Variants in ALDH2 observed in about 807,000 individuals in gnomAD.
The protein encoded by ALDH2 is aldehyde dehydrogenase 2 family member.
Under a neutral mutation model 59.6 loss-of-function variants are expected in ALDH2, and 44 were observed. That is an observed-to-expected ratio of 0.74 (90% CI 0.58 to 0.95). The LOEUF (loss-of-function observed/expected upper bound fraction) is 0.95. Among genes scored for constraint, ALDH2 ranks in the 40% least tolerant of loss-of-function variants. The pLI, the probability that ALDH2 is intolerant of heterozygous loss-of-function variation, is 0.00. For synonymous variants in ALDH2, 291 were observed against 284.0 expected, an observed-to-expected ratio of 1.02 and a Z score of -0.25; for missense variants, 570 against 696.3, an observed-to-expected ratio of 0.82 and a Z score of 2.04.
At chr12:111,799,306 C>T (rs1440772355) in intron 10 of ALDH2, among the ~76,000 whole-genome samples, 4 of 151,884 alleles carry the variant, frequency 2.6e-5, no homozygotes, top group African/African-American at 9.7e-5. Context: ...GCTGGGATTA[C>T]AGGCGCACAC....
intron 12 of ALDH2, among the ~76,000 whole-genome samples, chr12:111,807,278 CAAAA>C (rs1350783874): frequency 6.6e-6 from 1 of 150,822 alleles, no homozygotes; most frequent in Admixed American, 6.6e-5. Context: ...CAAAACAAAA[CAAAA>C]CGGAAAAAAA....
chr12:111,767,291 C>G (rs894506907), intron 1 of ALDH2, among the ~76,000 whole-genome samples, 195 bp downstream of exon 1: 1 of 152,156 alleles, frequency 6.6e-6, no homozygotes, highest in African/African-American at 2.4e-5. Context: ...CTGACAGTCC[C>G]CGTCCCATTT....
chr12:111,801,141 A>C (rs1007974971), intron 11 of ALDH2, among the ~76,000 whole-genome samples: 1 of 152,206 alleles, frequency 6.6e-6, no homozygotes, highest in Non-Finnish European at 1.5e-5. Flanking sequence ...GGTGAAAAGC[A>C]TGTCTCACGT....
At position 111,789,897 on chromosome 12, in the gene ALDH2, G is replaced by T. The variant is rs762718195; in HGVS notation, c.515G>T (p.Arg172Leu). The T allele has an allele frequency of 1.2e-6, 2 of 1,614,026 alleles. No individual in the cohort carries two copies. Among genetic ancestry groups the T allele is most frequent in the Middle Eastern group, 1.6e-4 (1 of 6,084 alleles). Reference protein sequence around the residue: ...PIDGDFFSYTRHEPVGVCGQI... With the variant: ...PIDGDFFSYTLHEPVGVCGQI... ...GACGGAGACTTCTTCAGCTACACAC[G>T]CCATGAACCTGTGGGGGTGTGCGGG... is the stretch of plus-strand genomic sequence containing the variant. The change falls in exon 5 of 13, where the codon CGC (arginine) becomes CTC (leucine). Residue 172 changes from arginine (R) to leucine (L), a missense_variant. By Grantham distance (102) the Arg-to-Leu change is moderately radical. Coordinates refer to ENST00000261733, the MANE Select transcript of ALDH2 (RefSeq NM_000690.4).
chr12:111,769,332 C>T (rs1228609607), intron 1 of ALDH2, among the ~76,000 whole-genome samples: 3 of 152,012 alleles, frequency 2.0e-5, no homozygotes, highest in African/African-American at 2.4e-5. Context: ...GTGGGAAGAT[C>T]GCTTGAGATT....
chr12:111,779,652 G>A (rs1055323160), intron 1 of ALDH2, among the ~76,000 whole-genome samples: 1 of 152,228 alleles, frequency 6.6e-6, no homozygotes, highest in African/African-American at 2.4e-5. Context: ...GCCAGGACAT[G>A]CAGGGATGCT....
At chr12:111,781,498 G>T (rs931461216) in intron 1 of ALDH2, among the ~76,000 whole-genome samples, 6 of 152,194 alleles carry the variant, frequency 3.9e-5, no homozygotes, top group Admixed American at 1.3e-4. Context: ...TGCACATCCA[G>T]CCTCAGAGGT....
At chr12:111,794,087 C>T (rs1487437129) in intron 9 of ALDH2, among the ~76,000 whole-genome samples, 3 of 143,666 alleles carry the variant, frequency 2.1e-5, no homozygotes, top group African/African-American at 2.6e-5. Flanking sequence ...GGCGTGATCT[C>T]GGCTCACTGC....
At chr12:111,789,749 C>A in intron 4 of ALDH2, 74 bp from the exon 5 acceptor site, 1 of 1,287,968 alleles carries the variant, frequency 7.8e-7, no homozygotes, top group Non-Finnish European at 1.1e-6. Context: ...CAGTTTGAGT[C>A]TTCTCTTTCT....
chr12:111,778,526 C>T (rs1241537263), intron 1 of ALDH2, among the ~76,000 whole-genome samples: 1 of 147,212 alleles, frequency 6.8e-6, no homozygotes, highest in Non-Finnish European at 1.5e-5. Context: ...GCCTGGGGAA[C>T]AAGAGCCAGA....
chr12:111,788,823 G>A (rs2068332147), intron 4 of ALDH2, among the ~76,000 whole-genome samples: 1 of 151,890 alleles, frequency 6.6e-6, no homozygotes, highest in South Asian at 2.1e-4. Context: ...GCAATATAGG[G>A]AGACCCACAT....
rs1192813292 is a variant in ALDH2 at position 111,816,607 on chromosome 12, T to C, written c.*7032T>C. ...ATTCAGCTCTCTACATTTCCCCCTT[T>C]CTGTTTATGAATTAATTGAAAGAAT... On this transcript the variant is annotated 3_prime_UTR_variant, in exon 13 of 13. Transcript: ENST00000261733. 6.6e-6 allele frequency: 1 copy of C among 152,200 alleles called. No individual in the cohort carries two copies. Among genetic ancestry groups the C allele is most frequent in the Non-Finnish European group, 1.5e-5 (1 of 68,038 alleles). 9.4% of individuals were successfully genotyped at this position (152,200 alleles called of 1,614,324 possible). A position where few individuals can be genotyped will look rare whatever the true frequency, so the allele number is the denominator to read the frequency against.
intron 12 of ALDH2, among the ~76,000 whole-genome samples, chr12:111,805,248 G>A (rs937288032): frequency 6.6e-6 from 1 of 152,158 alleles, no homozygotes; most frequent in Admixed American, 6.5e-5. Flanking sequence ...CTGGAGCGTG[G>A]TGTTGCATGC....
At chr12:111,780,428 C>G (rs918632579) in intron 1 of ALDH2, among the ~76,000 whole-genome samples, 2 of 152,182 alleles carry the variant, frequency 1.3e-5, no homozygotes, top group Non-Finnish European at 2.9e-5. Flanking sequence ...GTAACTCTGG[C>G]CACCTTTGCT....
intron 1 of ALDH2, among the ~76,000 whole-genome samples, chr12:111,772,054 G>A (rs369287764): frequency 6.6e-6 from 1 of 151,716 alleles, no homozygotes; most frequent in Non-Finnish European, 1.5e-5. Context: ...AGCCGAGATC[G>A]CACCACTGTA....
At chr12:111,781,292 T>C (rs977696601) in intron 1 of ALDH2, among the ~76,000 whole-genome samples, 5 of 152,110 alleles carry the variant, frequency 3.3e-5, no homozygotes, top group Non-Finnish European at 7.4e-5. Context: ...CAACAGAATT[T>C]GGTGGCAGAA....
At chr12:111,804,874 C>T (rs1441868349) in intron 12 of ALDH2, among the ~76,000 whole-genome samples, 1 of 152,030 alleles carries the variant, frequency 6.6e-6, no homozygotes, top group East Asian at 1.9e-4. Flanking sequence ...GATATCAAGG[C>T]CCATAACCAT....
chr12:111,769,004 CCATCG>C (rs1379902893), intron 1 of ALDH2, among the ~76,000 whole-genome samples: 1 of 152,152 alleles, frequency 6.6e-6, no homozygotes. Flanking sequence ...CAAGGAACAG[CCATCG>C]CCCTAGGAAC....
At chr12:111,770,252 C>T (rs548504368) in intron 1 of ALDH2, among the ~76,000 whole-genome samples, 1 of 152,248 alleles carries the variant, frequency 6.6e-6, no homozygotes, top group Admixed American at 6.5e-5. Flanking sequence ...GGCTTCATGG[C>T]CACTGGTGCC....
Sources: gnomAD v4.1 joint callset for allele counts (sites outside exome capture counted in the v4.1 genomes callset) on GRCh38, gnomAD v4.1.1 for gene constraint, MANE v1.5 for transcripts, NCBI Gene and HGNC (gene_info 2026-07-23, HGNC 2026-07-21) for gene names.